ITGA6: variants seen among roughly 807,000 people sequenced by gnomAD.
The protein encoded by ITGA6 is integrin subunit alpha 6, also known as integrin alpha-6.
ITGA6 carries 63 observed loss-of-function variants against 133.6 expected under a neutral mutation model. That is an observed-to-expected ratio of 0.47 (90% CI 0.38 to 0.58). ITGA6 has a LOEUF of 0.58. ITGA6 is among the 20% of genes least tolerant of loss of function. The pLI, the probability that ITGA6 is intolerant of heterozygous loss-of-function variation, is 0.00. For synonymous variants in ITGA6, 434 were observed against 482.0 expected, an observed-to-expected ratio of 0.90 and a Z score of 1.30; for missense variants, 1,068 against 1,309.4, an observed-to-expected ratio of 0.82 and a Z score of 2.85.
intron 5 of ITGA6, among the ~76,000 whole-genome samples, 175 bp downstream of exon 5, chr2:172,471,280 T>TG (rs2149044123): frequency 6.6e-6 from 1 of 152,318 alleles, no homozygotes; most frequent in South Asian, 2.1e-4. Context: ...AACCGACTGA[T>TG]GCCTGGGATC....
chr2:172,428,797 C>T (rs1430368961), intron 1 of ITGA6, among the ~76,000 whole-genome samples: 2 of 152,170 alleles, frequency 1.3e-5, no homozygotes, highest in African/African-American at 2.4e-5. Context: ...GTAAACCTCC[C>T]AGGAGAAAGA....
chr2:172,490,229 C>T (rs7609465), intron 20 of ITGA6, among the ~76,000 whole-genome samples: 36,127 of 152,044 alleles, frequency 0.24, 4,917 homozygotes, highest in East Asian at 0.55. Context: ...CATTAAGATT[C>T]AGAGAGCAAG....
chr2:172,504,295 T>G lies in ITGA6; in HGVS notation c.*227T>G. On this transcript the variant is annotated 3_prime_UTR_variant, in exon 26 of 26. Coordinates refer to ENST00000684293, the MANE Select transcript of ITGA6 (RefSeq NM_000210.4). The stretch of plus-strand genomic sequence containing the variant: ...AAAGCTTCACAGTACCCAAACTGCT[T>G]TTTCCAACTCAGAAATTCAATTTGG... 1 of 1,438,404 alleles carries G rather than the reference T, an allele frequency of 7.0e-7. No individual in the cohort carries two copies. The highest frequency in any genetic ancestry group is 9.3e-7 in the Non-Finnish European group (1 of 1,070,184). 89.1% of individuals were successfully genotyped at this position (1,438,404 alleles called of 1,614,324 possible).
intron 1 of ITGA6, among the ~76,000 whole-genome samples, chr2:172,454,166 C>T (rs1028124216): frequency 6.6e-6 from 1 of 151,496 alleles, no homozygotes; most frequent in Non-Finnish European, 1.5e-5. Context: ...TCACTGCAAC[C>T]TCTGCCTCCT....
intron 24 of ITGA6, among the ~76,000 whole-genome samples, chr2:172,500,828 A>G (rs114740779): frequency 0.015 from 2,231 of 152,322 alleles, 50 homozygotes; most frequent in African/African-American, 0.05. Flanking sequence ...CACGTGGAAT[A>G]TGGCTGGTTC....
chr2:172,475,748 T>G, intron 8 of ITGA6, 63 bp downstream of exon 8: 1 of 913,700 alleles, frequency 1.1e-6, no homozygotes, highest in Non-Finnish European at 1.8e-6. Context: ...AATAAAATAT[T>G]TAGGTTTAAG....
At chr2:172,471,475 C>T (rs1685933929) in intron 5 of ITGA6, among the ~76,000 whole-genome samples, 1 of 152,184 alleles carries the variant, frequency 6.6e-6, no homozygotes, top group African/African-American at 2.4e-5. Flanking sequence ...GATCTTTGTT[C>T]AGTGCCTCCT....
At chr2:172,496,647 G>GT (rs1352533826) in intron 23 of ITGA6, among the ~76,000 whole-genome samples, 1 of 143,552 alleles carries the variant, frequency 7.0e-6, no homozygotes, top group Non-Finnish European at 1.5e-5. Context: ...CCTGAGTTTT[G>GT]TTTCCCTTTA....
At position 172,491,616 on chromosome 2, in the gene ITGA6, A is replaced by T; in HGVS notation, c.2988+93A>T. ...CCTGAAGTCATGTGCTTTGGTGCTC[A>T]TTTCCCTCATAGCCCCATTACGGAG... On this transcript the variant is annotated intron_variant, in intron 23 of 25. Transcript: ENST00000684293. The surrounding 1 kb of genome is among the most constrained non-coding windows in gnomAD (Gnocchi z 4.4). 1.2e-6 allele frequency: 1 copy of T among 811,154 alleles called. No homozygotes were observed. Among genetic ancestry groups the T allele is most frequent in the African/African-American group, 1.7e-5 (1 of 59,530 alleles). 50.2% of individuals were successfully genotyped at this position (811,154 alleles called of 1,614,324 possible). A position where few individuals can be genotyped will look rare whatever the true frequency, so the allele number is the denominator to read the frequency against.
chr2:172,446,341 T>C (rs1684766839), intron 1 of ITGA6, among the ~76,000 whole-genome samples: 1 of 152,222 alleles, frequency 6.6e-6, no homozygotes, highest in African/African-American at 2.4e-5. Context: ...GATGAACTAT[T>C]TGATAACAGG....
At position 172,487,024 on chromosome 2, in the gene ITGA6, T is replaced by C; in HGVS notation, c.1856T>C (p.Val619Ala). The change falls in exon 14 of 26, where the codon GTT (valine) becomes GCT (alanine). Residue 619 changes from valine to alanine, a missense_variant and splice_region_variant. By Grantham distance (64) the Val-to-Ala change is moderately conservative. This residue lies in a region of ITGA6 where 609 missense variants were observed against 707.2 expected (regional missense o/e 0.86). Coordinates refer to ENST00000684293, the MANE Select transcript of ITGA6 (RefSeq NM_000210.4). ...SDEPKTAHID[V>A]HFLKEGCGDD... ...ACAATAGTTTTCGTTTTCCTACAGG[T>C]TCACTTCTTAAAAGAGGGATGTGGA... The C allele has an allele frequency of 6.3e-7, 1 of 1,579,964 alleles. No homozygotes were observed. Among genetic ancestry groups the C allele is most frequent in the Non-Finnish European group, 8.7e-7 (1 of 1,149,056 alleles).
intron 5 of ITGA6, chr2:172,472,659 C>T (rs568352205): frequency 7.4e-6 from 5 of 675,518 alleles, no homozygotes; most frequent in Non-Finnish European, 1.3e-5. Context: ...ATGAGAGCAG[C>T]TTGCCGGATG....
intron 5 of ITGA6, among the ~76,000 whole-genome samples, 159 bp downstream of exon 5, chr2:172,471,264 G>T (rs996093530): frequency 1.3e-5 from 2 of 152,164 alleles, no homozygotes; most frequent in African/African-American, 4.8e-5. Flanking sequence ...TGATCTAGAG[G>T]CGTTAAACCG....
At chr2:172,486,176 C>CAAAAAAAAA (rs67271824) in intron 13 of ITGA6, among the ~76,000 whole-genome samples, 1,385 of 77,236 alleles carry the variant, frequency 0.018, 32 homozygotes, top group Non-Finnish European at 0.028. Context: ...ACTCTATCTC[C>CAAAAAAAAA]AAAAAAAAAA....
chr2:172,455,555 A>C (rs918455101), intron 1 of ITGA6, among the ~76,000 whole-genome samples: 1 of 152,366 alleles, frequency 6.6e-6, no homozygotes, highest in East Asian at 1.9e-4. Context: ...TGTGAACAGC[A>C]GTGACTTTTC....
Position 172,447,410 on chromosome 2 carries a change from G to A in ITGA6, c.183-18129G>A, listed in dbSNP as rs949187716. Among the ~76,000 whole-genome samples the A allele has an allele frequency of 1.4e-4, 22 of 152,004 alleles. 1 individual carries two copies. Among genetic ancestry groups the A allele is most frequent in the Non-Finnish European group, 2.9e-5 (2 of 68,014 alleles). On this transcript the variant is annotated intron_variant, in intron 1 of 25. Transcript: ENST00000684293. ...AGTAGAGACGAGGTTTTACCATGTT[G>A]ACTAGGCTGGCCTCGAACTCCTGAT...
chr2:172,500,569 G>A (rs1687306976), intron 24 of ITGA6, among the ~76,000 whole-genome samples: 1 of 152,232 alleles, frequency 6.6e-6, no homozygotes, highest in South Asian at 2.1e-4. Context: ...GGTGGAGCTT[G>A]CAGTGAGCCA....
Position 172,465,334 on chromosome 2 carries a change from T to G in ITGA6, c.183-205T>G. 4 of 639,808 alleles carry G rather than the reference T, an allele frequency of 6.3e-6. No individual in the cohort carries two copies. The South Asian group carries it at 7.2e-5, about 12-fold the overall frequency. 39.6% of individuals were successfully genotyped at this position (639,808 alleles called of 1,614,324 possible). A position where few individuals can be genotyped will look rare whatever the true frequency, so the allele number is the denominator to read the frequency against. On this transcript the variant is annotated intron_variant, in intron 1 of 25. Transcript: ENST00000684293. The stretch of plus-strand genomic sequence containing the variant: ...TTTCCTCGTTTTGGTATCCCCTCTT[T>G]GGCTTCCCCTGTTTAGTTGTGTTTG...
At chr2:172,493,859 A>G (rs1052298125) in intron 23 of ITGA6, among the ~76,000 whole-genome samples, 8 of 152,212 alleles carry the variant, frequency 5.3e-5, no homozygotes, top group African/African-American at 1.9e-4. Flanking sequence ...CCTGGTGTCC[A>G]GTCTGATGAC....
Sources: gnomAD v4.1 joint callset for allele counts (sites outside exome capture counted in the v4.1 genomes callset) on GRCh38, gnomAD v4.1.1 for gene constraint, gnomAD v4.1.1 regional missense constraint, Gnocchi (gnomAD v3.1) non-coding constraint, MANE v1.5 for transcripts, NCBI Gene and HGNC (gene_info 2026-07-23, HGNC 2026-07-21) for gene names.